Variants in TNR observed in about 807,000 individuals in gnomAD.
TNR encodes the protein tenascin R.
In TNR, 45 loss-of-function variants were observed where a neutral mutation model predicts 150.4. That is an observed-to-expected ratio of 0.30 (90% CI 0.24 to 0.38). The LOEUF (loss-of-function observed/expected upper bound fraction) is 0.38, where lower values mean the gene tolerates loss of function less well. TNR is among the 10% of genes least tolerant of loss of function. The pLI is 1.00. For synonymous variants in TNR, 687 were observed against 678.4 expected, an observed-to-expected ratio of 1.01 and a Z score of -0.20; for missense variants, 1,544 against 1,759.1, an observed-to-expected ratio of 0.88 and a Z score of 2.19.
chr1:175,697,334 C>T (rs1031315479), intron 1 of TNR, among the ~76,000 whole-genome samples: 3 of 143,818 alleles, frequency 2.1e-5, no homozygotes, highest in Non-Finnish European at 3.0e-5. Flanking sequence ...CAACAAACAG[C>T]TCCTTTCTAC....
At chr1:175,726,600 G>A (rs1219441394) in intron 1 of TNR, among the ~76,000 whole-genome samples, 1 of 152,216 alleles carries the variant, frequency 6.6e-6, no homozygotes, top group Non-Finnish European at 1.5e-5. Flanking sequence ...AATATACTCT[G>A]TGACTAAGAA....
At chr1:175,542,397 T>G (rs1427622395) in intron 1 of TNR, among the ~76,000 whole-genome samples, 2 of 152,202 alleles carry the variant, frequency 1.3e-5, no homozygotes, top group Non-Finnish European at 2.9e-5. Flanking sequence ...TGTCTCATCA[T>G]GTAGCTGCCC....
At chr1:175,579,563 T>C (rs1024381371) in intron 1 of TNR, among the ~76,000 whole-genome samples, 1 of 151,128 alleles carries the variant, frequency 6.6e-6, no homozygotes, top group Non-Finnish European at 1.5e-5. Flanking sequence ...GCATAAAGTA[T>C]GGAAAAGTCA....
At chr1:175,544,886 A>G (rs1174734915) in intron 1 of TNR, among the ~76,000 whole-genome samples, 1 of 152,222 alleles carries the variant, frequency 6.6e-6, no homozygotes, top group Non-Finnish European at 1.5e-5. Flanking sequence ...TTTGGCCAAT[A>G]GAATGTGAGC....
At chr1:175,494,661 C>A (rs936929618) in intron 2 of TNR, among the ~76,000 whole-genome samples, 1 of 152,142 alleles carries the variant, frequency 6.6e-6, no homozygotes, top group Non-Finnish European at 1.5e-5. Context: ...ATGTGCAGAG[C>A]GCTAACAAGC....
intron 1 of TNR, among the ~76,000 whole-genome samples, chr1:175,671,670 C>T (rs946980319): frequency 6.6e-6 from 1 of 152,170 alleles, no homozygotes; most frequent in Admixed American, 6.5e-5. Context: ...TACACTTATA[C>T]TTAAAAAGTA....
At chr1:175,478,505 G>T (rs191999537) in intron 2 of TNR, among the ~76,000 whole-genome samples, 29 of 152,278 alleles carry the variant, frequency 1.9e-4, no homozygotes, top group African/African-American at 6.7e-4. Context: ...CCTTTGAGGT[G>T]TGGTTCAAGA....
chr1:175,565,333 A>C (rs182953154), intron 1 of TNR, among the ~76,000 whole-genome samples: 2 of 152,330 alleles, frequency 1.3e-5, no homozygotes, highest in South Asian at 2.1e-4. Context: ...GAAATGGTGA[A>C]TCTACAAACG....
intron 2 of TNR, among the ~76,000 whole-genome samples, chr1:175,475,196 T>C (rs919508102): frequency 2.0e-5 from 3 of 152,200 alleles, no homozygotes; most frequent in African/African-American, 7.2e-5. Context: ...CTGTGGGTTC[T>C]CATCAACTCA....
chr1:175,676,919 T>A (rs540930528), intron 1 of TNR, among the ~76,000 whole-genome samples: 10 of 152,178 alleles, frequency 6.6e-5, no homozygotes, highest in Non-Finnish European at 1.2e-4. Context: ...TTAACCCTCC[T>A]GCGACACTGG....
intron 1 of TNR, among the ~76,000 whole-genome samples, chr1:175,722,388 C>T (rs1046873278): frequency 4.6e-5 from 7 of 152,128 alleles, no homozygotes; most frequent in South Asian, 2.1e-4. Flanking sequence ...CATGAATGGA[C>T]GCCAATACTT....
chr1:175,540,318 C>T lies in TNR; in HGVS notation c.-164-11949G>A, dbSNP rs187652468. 1.0e-3 allele frequency among the ~76,000 whole-genome samples: 154 copies of T among 152,312 alleles called. 1 individual carries two copies. The highest frequency in any genetic ancestry group is 3.5e-4 in the Non-Finnish European group (24 of 68,026). ...ACCACTGATCACACTCCCAGAGAAT[C>T]CTTCAGCTCCAGGGTTTGACTCAAA... On this transcript the variant is annotated intron_variant, in intron 1 of 22. Transcript: ENST00000367674.
At chr1:175,554,282 C>G (rs931561526) in intron 1 of TNR, among the ~76,000 whole-genome samples, 71 of 141,458 alleles carry the variant, frequency 5.0e-4, no homozygotes, top group African/African-American at 1.8e-3. Context: ...TGCATGAGTG[C>G]ACAAATACAT....
chr1:175,570,632 C>CT (rs1268515861), intron 1 of TNR, among the ~76,000 whole-genome samples: 2 of 151,972 alleles, frequency 1.3e-5, no homozygotes, highest in Non-Finnish European at 2.9e-5. Flanking sequence ...TTCTTCTTTC[C>CT]TTTTTTCCTT....
In TNR at chr1:175,550,777, GA is replaced by G. The variant is rs111426262; in HGVS notation, c.-164-22409del. ...GAGAGTCAGAAAATGCAGGGAACAG[GA>G]AAAAAAAAACCTAAGCAAAAACAAT... On this transcript the variant is annotated intron_variant, in intron 1 of 22. Transcript: ENST00000367674. Among the ~76,000 whole-genome samples the G allele has an allele frequency of 5.7e-3, 823 of 145,280 alleles. 4 individuals are homozygous for G. Among genetic ancestry groups the G allele is most frequent in the African/African-American group, 0.018 (718 of 39,732 alleles).
intron 2 of TNR, among the ~76,000 whole-genome samples, chr1:175,490,724 T>A (rs1422630827): frequency 1.3e-5 from 2 of 152,094 alleles, no homozygotes; most frequent in African/African-American, 4.8e-5. Context: ...AAAAATCAGA[T>A]GCTAGCAAGA....
intron 1 of TNR, among the ~76,000 whole-genome samples, chr1:175,569,161 C>T (rs1277386090): frequency 6.6e-6 from 1 of 152,174 alleles, no homozygotes; most frequent in Admixed American, 6.5e-5. Flanking sequence ...AAGAAAGTTG[C>T]ATCTCAATTG....
chr1:175,612,505 A>C (rs183214738), intron 1 of TNR, among the ~76,000 whole-genome samples: 8 of 152,112 alleles, frequency 5.3e-5, no homozygotes, highest in Admixed American at 3.3e-4. Context: ...TCAGGCCTCC[A>C]CTCTGTTATT....
At chr1:175,650,930 C>T (rs1664960543) in intron 1 of TNR, among the ~76,000 whole-genome samples, 1 of 84,496 alleles carries the variant, frequency 1.2e-5, no homozygotes, top group African/African-American at 5.9e-5. Flanking sequence ...CTCCCCACCT[C>T]ATTACTACCC....
Sources: allele counts gnomAD v4.1 joint callset (sites outside exome capture counted in the v4.1 genomes callset), GRCh38; gene constraint gnomAD v4.1.1; transcripts MANE v1.5; gene names NCBI Gene and HGNC (gene_info 2026-07-23, HGNC 2026-07-21).